Variants in DMD observed in about 807,000 individuals in gnomAD.
DMD encodes mutant dystrophin.
Under a neutral mutation model 330.1 loss-of-function variants are expected in DMD, and 63 were observed. The ratio of observed to expected loss-of-function variants is 0.19; its 90% CI spans 0.16 to 0.24. The LOEUF is 0.24. Ranked by LOEUF, DMD falls within the 10% of genes least tolerant of loss-of-function variation. DMD has a pLI of 1.00. For missense variants in DMD, 3,344 were observed against 2,684.1 expected, an observed-to-expected ratio of 1.25 and a Z score of -5.43; for synonymous variants, 1,223 against 959.8, an observed-to-expected ratio of 1.27 and a Z score of -5.07.
intron 48 of DMD, among the ~76,000 whole-genome samples, chrX:31,850,321 T>G (rs948012486): frequency 2.7e-5 from 3 of 112,384 alleles, no homozygotes; most frequent in African/African-American, 3.2e-5. Context: ...AGTTCAGAGG[T>G]GTTGAAATAC....
intron 13 of DMD, among the ~76,000 whole-genome samples, chrX:32,593,774 C>G (rs977799610): frequency 8.9e-6 from 1 of 112,152 alleles, no homozygotes. Flanking sequence ...TATAAATGAC[C>G]AATTTTAGTT....
intron 48 of DMD, among the ~76,000 whole-genome samples, chrX:31,837,021 A>G (rs1311457704): frequency 8.9e-6 from 1 of 111,930 alleles, no homozygotes; most frequent in Non-Finnish European, 1.9e-5. Flanking sequence ...TTCATCCAAT[A>G]TCTTCTTGAA....
intron 1 of DMD, among the ~76,000 whole-genome samples, chrX:33,118,149 C>T (rs370290828): frequency 0.027 from 2,626 of 97,581 alleles, 116 homozygotes; most frequent in African/African-American, 0.094. Context: ...CTCGCTCTGT[C>T]GCCCAGGCTG....
intron 9 of DMD, among the ~76,000 whole-genome samples, chrX:32,655,202 C>T (rs1410568412): frequency 9.0e-6 from 1 of 111,596 alleles, no homozygotes; most frequent in African/African-American, 3.3e-5. Flanking sequence ...TTTGCTCTTG[C>T]TTCTCTAGTT....
At chrX:31,736,457 T>C (rs1399706095) in intron 51 of DMD, among the ~76,000 whole-genome samples, 1 of 111,634 alleles carries the variant, frequency 9.0e-6, no homozygotes, top group Non-Finnish European at 1.9e-5. Flanking sequence ...TCAGCAACAA[T>C]GATGGCTGCT....
At chrX:33,247,362 A>G (rs2052684468) in intron 1 of DMD, among the ~76,000 whole-genome samples, 1 of 111,947 alleles carries the variant, frequency 8.9e-6, no homozygotes, top group Non-Finnish European at 1.9e-5. Context: ...CAATTTGCCT[A>G]TTGAAAATTT....
chrX:32,161,004 T>C, intron 44 of DMD, among the ~76,000 whole-genome samples: 1 of 111,751 alleles, frequency 8.9e-6, no homozygotes, highest in Middle Eastern at 4.7e-3. Context: ...AGTGTCTTAT[T>C]GGAACTCACA....
intron 13 of DMD, among the ~76,000 whole-genome samples, chrX:32,594,733 G>T (rs767175503): frequency 9.0e-6 from 1 of 110,566 alleles, no homozygotes; most frequent in African/African-American, 3.3e-5. Context: ...CCATCTTCTC[G>T]TCCTCTTCTT....
At chrX:32,977,196 A>G (rs2092576833) in intron 2 of DMD, among the ~76,000 whole-genome samples, 1 of 110,849 alleles carries the variant, frequency 9.0e-6, no homozygotes, top group Non-Finnish European at 1.9e-5. Context: ...GCTGCTCAGG[A>G]GGTTGAGACA....
intron 1 of DMD, among the ~76,000 whole-genome samples, chrX:33,096,071 C>T (rs997325948): frequency 7.0e-5 from 7 of 99,743 alleles, no homozygotes; most frequent in Non-Finnish European, 1.2e-4. Context: ...GCCTCTTGGG[C>T]TCACGCCATT....
chrX:31,773,148 T>C (rs969347978), intron 51 of DMD, among the ~76,000 whole-genome samples: 1 of 112,470 alleles, frequency 8.9e-6, no homozygotes, highest in Non-Finnish European at 1.9e-5. Context: ...CAGCACAACT[T>C]TGTATTTCTT....
At chrX:32,540,070 A>G (rs1047924218) in intron 17 of DMD, among the ~76,000 whole-genome samples, 2 of 111,920 alleles carry the variant, frequency 1.8e-5, no homozygotes, top group Non-Finnish European at 3.8e-5. Flanking sequence ...TGGTTGCTAC[A>G]AAAGTATAAA....
intron 76 of DMD, among the ~76,000 whole-genome samples, chrX:31,144,049 T>C (rs1342260164): frequency 9.0e-6 from 1 of 111,406 alleles, no homozygotes; most frequent in African/African-American, 3.3e-5. Flanking sequence ...ATCATGGAGG[T>C]GTAGTAAATT....
chrX:33,191,717 C>T (rs1461565606), intron 1 of DMD, among the ~76,000 whole-genome samples: 1 of 112,327 alleles, frequency 8.9e-6, no homozygotes, highest in Non-Finnish European at 1.9e-5. Flanking sequence ...AGCCACCATG[C>T]CTGGCCTGCT....
intron 30 of DMD, among the ~76,000 whole-genome samples, chrX:32,399,831 C>A (rs2147777001): frequency 8.9e-6 from 1 of 112,007 alleles, no homozygotes; most frequent in Admixed American, 9.5e-5. Flanking sequence ...TGGAAGCAAC[C>A]TAAATGTCCA....
intron 2 of DMD, 22 bp downstream of exon 2, chrX:33,020,112 AAAAGT>A (rs766380543): frequency 1.1e-4 from 125 of 1,150,684 alleles, no homozygotes; most frequent in Non-Finnish European, 1.4e-4. Flanking sequence ...CTTAGATCTT[AAAAGT>A]AAAGTAACAA....
chrX:32,014,175 T>C lies in DMD; in HGVS notation c.6439-45661A>G, dbSNP rs1460532088. On this transcript the variant is annotated intron_variant, in intron 44 of 78. Coordinates refer to ENST00000357033, the MANE Select transcript of DMD (RefSeq NM_004006.3). ...TCACTCTTCTATATTTGTTAGTGTA[T>C]GTAACATGAATCAAAGCCACCTGAA... Among the ~76,000 whole-genome samples the C allele has an allele frequency of 2.7e-5, 3 of 112,296 alleles. No homozygotes were observed. The East Asian group carries it at 8.4e-4, about 31-fold the overall frequency.
At chrX:31,675,731 G>A (rs1439866702) in intron 53 of DMD, among the ~76,000 whole-genome samples, 10 of 110,473 alleles carry the variant, frequency 9.1e-5, no homozygotes, top group Non-Finnish European at 1.9e-4. Flanking sequence ...ACATAAAGAT[G>A]GAAATTAATG....
intron 1 of DMD, among the ~76,000 whole-genome samples, chrX:33,199,104 C>T (rs752538827): frequency 3.6e-5 from 4 of 111,002 alleles, no homozygotes; most frequent in Non-Finnish European, 7.6e-5. Context: ...GTTTGGCTTT[C>T]CTAGCAACCA....
Sources: allele counts gnomAD v4.1 joint callset (sites outside exome capture counted in the v4.1 genomes callset), GRCh38; gene constraint gnomAD v4.1.1; transcripts MANE v1.5; gene names NCBI Gene and HGNC (gene_info 2026-07-23, HGNC 2026-07-21).